Variants in HIVEP1 observed in about 807,000 individuals in gnomAD.
HIVEP1 encodes the protein zinc finger protein 40.
A neutral mutation model predicts 180.0 loss-of-function variants in HIVEP1; 36 were observed. The observed-to-expected ratio is 0.20, with a 90% CI of 0.15 to 0.26. The LOEUF is 0.26. Among genes scored for constraint, HIVEP1 ranks in the 10% least tolerant of loss-of-function variants. The pLI, the probability that HIVEP1 is intolerant of heterozygous loss-of-function variation, is 1.00. For missense variants in HIVEP1, 3,143 were observed against 3,268.7 expected (o/e 0.96, Z 0.94); for synonymous variants, 1,239 against 1,239.0 (o/e 1.00, Z 0.00).
rs923127120 is a variant in HIVEP1 at position 12,163,659 on chromosome 6, C to T, written c.7355C>T (p.Thr2452Ile). The change falls in exon 9 of 9, where the codon ACA becomes ATA. Residue 2452 changes from threonine to isoleucine, a missense_variant. Physicochemically the swap from Thr to Ile is moderately conservative, Grantham distance 89. Transcript: ENST00000379388. ...ACGGTCACAGAAGTGTCTGGCACTA[C>T]AAACCCTGCTGGAGTGGCTGAATTA... is the stretch of plus-strand genomic sequence containing the variant. ...RNTVTEVSGT[T>I]NPAGVAELSS... 4 of 1,614,044 alleles carry T rather than the reference C, an allele frequency of 2.5e-6. No individual in the cohort carries two copies. In the African/African-American group the frequency reaches 4.0e-5, roughly 16 times the overall value.
At chr6:12,046,034 G>A (rs1259946386) in intron 2 of HIVEP1, among the ~76,000 whole-genome samples, 1 of 152,208 alleles carries the variant, frequency 6.6e-6, no homozygotes, top group Non-Finnish European at 1.5e-5. Flanking sequence ...CAAGTGAAGA[G>A]ATGAGATTCA....
rs982311379 is a variant in HIVEP1 at position 12,122,590 on chromosome 6, C to T, written c.2795C>T (p.Ala932Val). 6.2e-7 allele frequency: 1 copy of T among 1,614,020 alleles called. No individual in the cohort carries two copies. The highest frequency in any genetic ancestry group is 2.2e-5 in the East Asian group (1 of 44,898). Reference sequence around the variant, plus strand: ...CAAGGATGCCATGCTGCTGGTGAAGCCATGTCAGTGAGGAGCAAGGCACTG... The same window carrying T: ...CAAGGATGCCATGCTGCTGGTGAAGTCATGTCAGTGAGGAGCAAGGCACTG... ...SHQGCHAAGE[A>V]MSVRSKALAQ... is the part of the protein sequence containing the mutation. The change falls in exon 4 of 9, where the codon GCC becomes GTC. Residue 932 changes from alanine (A) to valine (V), a missense_variant. Physicochemically the swap from Ala to Val is moderately conservative, Grantham distance 64. Transcript: ENST00000379388.
chr6:12,107,895 G>C (rs564349726), intron 3 of HIVEP1, among the ~76,000 whole-genome samples: 8 of 152,080 alleles, frequency 5.3e-5, no homozygotes, highest in Non-Finnish European at 7.4e-5. Context: ...GTTTACAATC[G>C]CTGAGCTAGA....
chr6:12,067,824 C>T (rs1418687072), intron 2 of HIVEP1, among the ~76,000 whole-genome samples: 6 of 151,898 alleles, frequency 4.0e-5, no homozygotes, highest in Non-Finnish European at 1.5e-5. Context: ...AATCAATGGC[C>T]CCCAATGTAG....
At chr6:12,084,695 C>T (rs188873420) in intron 2 of HIVEP1, among the ~76,000 whole-genome samples, 1 of 152,128 alleles carries the variant, frequency 6.6e-6, no homozygotes, top group Admixed American at 6.6e-5. Context: ...CAGATGGTAC[C>T]TCTGTCAGTA....
intron 3 of HIVEP1, among the ~76,000 whole-genome samples, chr6:12,109,697 C>T (rs767499634): frequency 2.6e-5 from 4 of 152,212 alleles, no homozygotes; most frequent in Non-Finnish European, 4.4e-5. Context: ...TCTTGAATCC[C>T]TCAAAGTCAT....
chr6:12,133,979 C>T (rs1199450593), intron 6 of HIVEP1, among the ~76,000 whole-genome samples: 1 of 117,402 alleles, frequency 8.5e-6, no homozygotes, highest in Non-Finnish European at 1.9e-5. Context: ...CCGTCTCAAC[C>T]AAAAAAAAAA....
rs528804549 is a variant in HIVEP1, at chr6:12,019,204, G to A, written c.40+3536G>A. 3.9e-3 allele frequency among the ~76,000 whole-genome samples: 590 copies of A among 152,280 alleles called. 7 individuals are homozygous for A. The highest frequency in any genetic ancestry group is 0.013 in the African/African-American group (557 of 41,542). On this transcript the variant is annotated intron_variant, in intron 2 of 8. Transcript: ENST00000379388. Reference sequence around the variant, plus strand: ...GCCAGTGTAGCTCACTCAGCAGCGGGGGACGGGAGTGAAGCTCTAGGTCCC... The same window carrying A: ...GCCAGTGTAGCTCACTCAGCAGCGGAGGACGGGAGTGAAGCTCTAGGTCCC...
chr6:12,169,088 T>A (rs572814495), downstream of HIVEP1, among the ~76,000 whole-genome samples: 1 of 152,262 alleles, frequency 6.6e-6, no homozygotes, highest in Admixed American at 6.5e-5. Flanking sequence ...GGTTTCACTG[T>A]GTTGGCCAGG....
chr6:12,055,050 A>G (rs908658648), intron 2 of HIVEP1, among the ~76,000 whole-genome samples: 4 of 152,258 alleles, frequency 2.6e-5, no homozygotes, highest in Admixed American at 1.3e-4. Flanking sequence ...TTTACTGCCT[A>G]GTGGGAAAGT....
At chr6:12,050,613 AC>A (rs1394312155) in intron 2 of HIVEP1, among the ~76,000 whole-genome samples, 1 of 151,708 alleles carries the variant, frequency 6.6e-6, no homozygotes, top group African/African-American at 2.4e-5. Flanking sequence ...AAAATTAAAC[AC>A]CATGGGTCCA....
At chr6:12,144,899 G>A (rs772096397) in intron 7 of HIVEP1, among the ~76,000 whole-genome samples, 4 of 152,166 alleles carry the variant, frequency 2.6e-5, no homozygotes, top group South Asian at 2.1e-4. Context: ...TGGGGAAATC[G>A]GAACGCTTTT....
intron 7 of HIVEP1, among the ~76,000 whole-genome samples, chr6:12,151,926 C>T (rs1017604616): frequency 3.0e-4 from 46 of 152,090 alleles, no homozygotes; most frequent in Admixed American, 2.7e-3. Flanking sequence ...GAGGCCGAGG[C>T]GGGTGGATCA....
intron 7 of HIVEP1, among the ~76,000 whole-genome samples, chr6:12,143,099 C>T (rs1238198158): frequency 1.3e-5 from 2 of 152,190 alleles, no homozygotes; most frequent in Non-Finnish European, 2.9e-5. Context: ...GAATTTTAGA[C>T]CAATATCCCT....
At chr6:12,184,052 G>A in the HIVEP1 span, among the ~76,000 whole-genome samples, 1 of 148,844 alleles carries the variant, frequency 6.7e-6, no homozygotes, top group Non-Finnish European at 1.5e-5. Context: ...CAGACAGACA[G>A]ACAGACAGAC....
intron 2 of HIVEP1, among the ~76,000 whole-genome samples, chr6:12,044,425 C>G (rs775877469): frequency 3.9e-5 from 6 of 152,300 alleles, no homozygotes; most frequent in Non-Finnish European, 8.8e-5. Flanking sequence ...GGGAAGCTTT[C>G]CTTTCCCCAC....
chr6:12,127,284 AAAATC>A (rs1382835024), intron 4 of HIVEP1, among the ~76,000 whole-genome samples: 1 of 152,252 alleles, frequency 6.6e-6, no homozygotes, highest in Non-Finnish European at 1.5e-5. Flanking sequence ...AACATAGGTA[AAAATC>A]AAATCATGTG....
At chr6:12,087,998 T>C (rs114710737) in intron 2 of HIVEP1, among the ~76,000 whole-genome samples, 3 of 152,332 alleles carry the variant, frequency 2.0e-5, no homozygotes, top group African/African-American at 7.2e-5. Flanking sequence ...CTTTGTTCTG[T>C]TCTCCCACTT....
the HIVEP1 span, among the ~76,000 whole-genome samples, chr6:12,172,977 T>C: frequency 6.6e-6 from 1 of 152,174 alleles, no homozygotes; most frequent in Non-Finnish European, 1.5e-5. Flanking sequence ...TTGTAACCTT[T>C]TTCTTTGCCC....
Sources: gnomAD v4.1 joint callset for allele counts (sites outside exome capture counted in the v4.1 genomes callset) on GRCh38, gnomAD v4.1.1 for gene constraint, MANE v1.5 for transcripts, NCBI Gene and HGNC (gene_info 2026-07-23, HGNC 2026-07-21) for gene names.